The following KIFC3 variants were observed in gnomAD, a reference collection of about 807,000 sequenced individuals.
KIFC3 encodes the protein kinesin-like protein KIFC3.
A neutral mutation model predicts 101.8 loss-of-function variants in KIFC3; 60 were observed. The ratio of observed to expected loss-of-function variants is 0.59; its 90% CI spans 0.48 to 0.73. KIFC3 has a LOEUF of 0.73. KIFC3 is among the 30% of genes least tolerant of loss of function. KIFC3 has a pLI of 0.00. For synonymous variants in KIFC3, 476 were observed against 482.7 expected (o/e 0.99, Z 0.18); for missense variants, 966 against 1,137.1 (o/e 0.85, Z 2.16).
intron 12 of KIFC3, among the ~76,000 whole-genome samples, chr16:57,763,133 C>T (rs1002641915): frequency 6.6e-6 from 1 of 152,188 alleles, no homozygotes; most frequent in Non-Finnish European, 1.5e-5. Flanking sequence ...CTCCCCACAG[C>T]CAGGTTGGCC....
In KIFC3 at chr16:57,758,908, C is replaced by T. The variant is rs1391628534; in HGVS notation, c.*26G>A. 6.3e-7 allele frequency: 1 copy of T among 1,576,916 alleles called. No homozygotes were observed. Among genetic ancestry groups the T allele is most frequent in the Admixed American group, 1.8e-5 (1 of 57,066 alleles). ...GTCACACAGGCAGTGGCCGCGACTT[C>T]CCTGCAGGGGCATGAGATCATCAGC... On this transcript the variant is annotated splice_region_variant and 3_prime_UTR_variant, in exon 20 of 20. Coordinates refer to ENST00000445690, the MANE Select transcript of KIFC3 (RefSeq NM_001130100.2).
intron 1 of KIFC3, among the ~76,000 whole-genome samples, chr16:57,808,394 G>A (rs2054992372): frequency 6.6e-6 from 1 of 151,904 alleles, no homozygotes; most frequent in Non-Finnish European, 1.5e-5. Context: ...CTTGCTAAGT[G>A]TTCTGCCGCT....
At chr16:57,759,084 C>T (rs1288900599) in intron 19 of KIFC3, 41 bp downstream of exon 19, 3 of 1,548,428 alleles carry the variant, frequency 1.9e-6, no homozygotes, top group South Asian at 2.4e-5. Context: ...CCACTGCGGG[C>T]AGGCAGGCGG....
intron 1 of KIFC3, among the ~76,000 whole-genome samples, chr16:57,858,093 G>A (rs1567347662): frequency 6.8e-6 from 1 of 147,700 alleles, no homozygotes. Flanking sequence ...TGGGATTACA[G>A]GCGTGAGCCA....
At chr16:57,777,813 TAC>T (rs2052295031) in intron 3 of KIFC3, among the ~76,000 whole-genome samples, 4 of 152,140 alleles carry the variant, frequency 2.6e-5, no homozygotes, top group Admixed American at 2.6e-4. Context: ...TGGAATGGAA[TAC>T]AGAGTCCAGA....
At chr16:57,835,230 A>C (rs782224820) in intron 1 of KIFC3, among the ~76,000 whole-genome samples, 1 of 152,236 alleles carries the variant, frequency 6.6e-6, no homozygotes, top group Non-Finnish European at 1.5e-5. Context: ...AACAGAAACT[A>C]CCAAACGACT....
At chr16:57,857,853 G>C (rs1367292695) in intron 1 of KIFC3, among the ~76,000 whole-genome samples, 1 of 101,260 alleles carries the variant, frequency 9.9e-6, no homozygotes, top group Non-Finnish European at 1.8e-5. Context: ...TTGAGACAGA[G>C]TCTCTCTCTG....
intron 1 of KIFC3, among the ~76,000 whole-genome samples, chr16:57,860,111 T>C (rs1332177730): frequency 6.8e-6 from 1 of 146,640 alleles, no homozygotes; most frequent in Non-Finnish European, 1.5e-5. Flanking sequence ...GTGGGGCAGG[T>C]GAAGCTCCCT....
At position 57,771,137 on chromosome 16, in the gene KIFC3, G is replaced by GA. The variant is rs2051135884; in HGVS notation, c.765+60_765+61insT. On this transcript the variant is annotated intron_variant, in intron 6 of 19. Transcript: ENST00000445690. Reference sequence around the variant, plus strand: ...CAGGACAAGCCCCCCTTATGGGCTAGCCCTGCCCCAGGTGCCAGGGGCCTT... The same window carrying GA: ...CAGGACAAGCCCCCCTTATGGGCTAGACCCTGCCCCAGGTGCCAGGGGCCTT... The GA allele has an allele frequency of 9.7e-5, 155 of 1,592,738 alleles. 1 individual carries two copies. The South Asian group carries it at 1.4e-3, about 14-fold the overall frequency.
chr16:57,812,012 C>T (rs2149260509), intron 1 of KIFC3, among the ~76,000 whole-genome samples: 1 of 150,384 alleles, frequency 6.6e-6, no homozygotes, highest in South Asian at 2.1e-4. Flanking sequence ...CACTGCACTA[C>T]AGCCTAGGTG....
upstream of KIFC3, chr16:57,803,277 C>G (rs1338985495): frequency 1.6e-5 from 11 of 696,062 alleles, no homozygotes; most frequent in Non-Finnish European, 2.9e-5. Context: ...CAGGGGCCTG[C>G]CAGCCGGGAG....
chr16:57,766,431 G>A (rs1032174945), intron 10 of KIFC3, among the ~76,000 whole-genome samples: 16 of 152,190 alleles, frequency 1.1e-4, no homozygotes, highest in African/African-American at 2.4e-4. Flanking sequence ...AGTGTGCACC[G>A]GGAGGCAGTC....
At chr16:57,831,184 G>T (rs2055573365) in intron 1 of KIFC3, among the ~76,000 whole-genome samples, 3 of 152,198 alleles carry the variant, frequency 2.0e-5, no homozygotes, top group Admixed American at 2.0e-4. Flanking sequence ...CAGCAGGTGA[G>T]CCTGCCCCGC....
chr16:57,795,884 G>T (rs145587971), intron 2 of KIFC3, among the ~76,000 whole-genome samples: 2,801 of 58,356 alleles, frequency 0.048, 75 homozygotes, highest in African/African-American at 0.11. Flanking sequence ...GGGCTTTTTT[G>T]TTTTTTTTTT....
intron 1 of KIFC3, among the ~76,000 whole-genome samples, chr16:57,834,693 T>C (rs1555480029): frequency 6.6e-6 from 1 of 152,140 alleles, no homozygotes; most frequent in Non-Finnish European, 1.5e-5. Context: ...TTATTTTTTA[T>C]TTTTGTAGAG....
upstream of KIFC3, among the ~76,000 whole-genome samples, chr16:57,806,562 T>G (rs1241163151): frequency 6.6e-6 from 1 of 152,180 alleles, no homozygotes; most frequent in Non-Finnish European, 1.5e-5. Flanking sequence ...GGGCCTGGTA[T>G]CACAGACATG....
At chr16:57,810,801 C>A in intron 1 of KIFC3, 1 of 554,994 alleles carries the variant, frequency 1.8e-6, no homozygotes, top group Non-Finnish European at 2.3e-6. Flanking sequence ...GTTATTATTC[C>A]CATTGTACAG....
At position 57,761,477 on chromosome 16, in the gene KIFC3, C is replaced by T. The variant is rs1400861365; in HGVS notation, c.1808G>A (p.Ser603Asn). The change falls in exon 14 of 20, where the codon AGT becomes AAT. Residue 603 changes from serine (S) to asparagine (N), a missense_variant. By Grantham distance (46) the Ser-to-Asn change is conservative (BLOSUM62 1). Coordinates refer to ENST00000445690, the MANE Select transcript of KIFC3 (RefSeq NM_001130100.2). The part of the protein sequence containing the change: ...KLEIRLCPDG[S>N]GQLYVPGLTE... ...CAGCCCTGGTACATACAGCTGCCCA[C>T]TGCCGTCTGGGCACAGCCGGATCTC... is the stretch of plus-strand genomic sequence containing the variant. The T allele has an allele frequency of 1.7e-5, 28 of 1,613,832 alleles. No individual in the cohort carries two copies. The highest frequency in any genetic ancestry group is 2.4e-5 in the Non-Finnish European group (28 of 1,179,870).
In KIFC3 at chr16:57,759,749, G is replaced by A. The variant is rs782447546; in HGVS notation, c.2455C>T (p.Arg819Trp). 13 of 1,610,710 alleles carry A rather than the reference G, an allele frequency of 8.1e-6. No individual in the cohort carries two copies. The highest frequency in any genetic ancestry group is 2.2e-5 in the East Asian group (1 of 44,808). The change falls in exon 18 of 20, where the codon CGG becomes TGG. Residue 819 changes from arginine (R) to tryptophan (W), a missense_variant. Arg to Trp is a moderately radical substitution (Grantham distance 101). This residue lies in a region of KIFC3 where 689 missense variants were observed against 884.6 expected (regional missense o/e 0.78). Coordinates refer to ENST00000445690, the MANE Select transcript of KIFC3 (RefSeq NM_001130100.2). Reference protein sequence around the residue: ...SGTSSRPGSIRRKLQPSA With the variant: ...SGTSSRPGSIWRKLQPSA ...TCACCCGAGGGCTGCAGCTTCCTCC[G>A]GATGGATCCAGGGCGGCTACTGGTC... is the stretch of plus-strand genomic sequence containing the variant.
Sources: gnomAD v4.1 joint callset for allele counts (sites outside exome capture counted in the v4.1 genomes callset) on GRCh38, gnomAD v4.1.1 for gene constraint, gnomAD v4.1.1 regional missense constraint, MANE v1.5 for transcripts, NCBI Gene and HGNC (gene_info 2026-07-23, HGNC 2026-07-21) for gene names.